NOM1: variants seen among roughly 807,000 people sequenced by gnomAD.
NOM1 encodes nucleolar protein with MIF4G domain 1, also known as nucleolar MIF4G domain-containing protein 1.
In NOM1, 58 loss-of-function variants were observed where a neutral mutation model predicts 73.3. The observed-to-expected ratio is 0.79, with a 90% CI of 0.64 to 0.99. NOM1 has a LOEUF of 0.99. Among genes scored for constraint, NOM1 ranks in the 50% least tolerant of loss-of-function variants. The pLI is 0.00. For synonymous variants in NOM1, 487 were observed against 446.8 expected, an observed-to-expected ratio of 1.09 and a Z score of -1.14; for missense variants, 1,226 against 1,131.9, an observed-to-expected ratio of 1.08 and a Z score of -1.19.
chr7:156,950,848 T>C, intron 1 of NOM1, 124 bp downstream of exon 1: 1 of 800,722 alleles, frequency 1.2e-6, no homozygotes, highest in Non-Finnish European at 2.0e-6. Context: ...TGAATGTGAG[T>C]AAATCGAGTA....
At chr7:156,958,322 C>G (rs143404196) in intron 3 of NOM1, among the ~76,000 whole-genome samples, 4 of 152,208 alleles carry the variant, frequency 2.6e-5, no homozygotes, top group African/African-American at 9.7e-5. Context: ...CTGGGAGTCA[C>G]AGATCCTTCA....
At position 156,959,875 on chromosome 7, in the gene NOM1, G is replaced by A; in HGVS notation, c.1333G>A (p.Val445Met). 1 of 1,614,236 alleles carries A rather than the reference G, an allele frequency of 6.2e-7. No homozygotes were observed. The part of the protein sequence containing the change: ...IEVGAHFLEA[V>M]VRKFDAIYKY... Reference sequence around the variant, plus strand: ...GGTCGGTGCCCACTTTCTGGAGGCAGTGGTGAGGAAGTTCGATGCCATCTA... The same window carrying A: ...GGTCGGTGCCCACTTTCTGGAGGCAATGGTGAGGAAGTTCGATGCCATCTA... The change falls in exon 4 of 11, where the codon GTG (valine) becomes ATG (methionine). Residue 445 changes from valine (V) to methionine (M), a missense_variant. Transcript: ENST00000275820.
chr7:156,963,739 G>A (rs1804926437), intron 6 of NOM1, 166 bp from the exon 7 acceptor site: 1 of 639,904 alleles, frequency 1.6e-6, no homozygotes, highest in Non-Finnish European at 2.5e-6. Flanking sequence ...GCTTCACTAT[G>A]TGTTCCCCTT....
Position 156,969,200 on chromosome 7 carries a change from T to C in NOM1, c.2408+4T>C, listed in dbSNP as rs775783487. 13 of 1,373,306 alleles carry C rather than the reference T, an allele frequency of 9.5e-6. No homozygotes were observed. Among genetic ancestry groups the C allele is most frequent in the Non-Finnish European group, 1.1e-5 (11 of 959,902 alleles). The allele number at this position is 1,373,306 out of a possible 1,614,324, so 85.1% of individuals were successfully genotyped here. The stretch of plus-strand genomic sequence containing the variant: ...ACCTCAGTTTAATTTTCACAAGGTA[T>C]GTGCCCCACCCTTTCCGACGAGACA... On this transcript the variant is annotated splice_donor_region_variant and intron_variant, in intron 10 of 10. Coordinates refer to ENST00000275820, the MANE Select transcript of NOM1 (RefSeq NM_138400.2).
rs147102278 is a variant in NOM1 at position 156,955,851 on chromosome 7, T to C, written c.1308+1553T>C. On this transcript the variant is annotated intron_variant, in intron 3 of 10. Transcript: ENST00000275820. ...CTCTCAATTATAATCTTAACAGTTATTTAGAGTCTTACCAAGTGGGGCTCT... is the reference window on the plus strand; with the variant it reads ...CTCTCAATTATAATCTTAACAGTTACTTAGAGTCTTACCAAGTGGGGCTCT... 3.9e-3 allele frequency among the ~76,000 whole-genome samples: 588 copies of C among 152,354 alleles called. 5 individuals carry two copies. The highest frequency in any genetic ancestry group is 0.013 in the African/African-American group (541 of 41,576).
intron 3 of NOM1, among the ~76,000 whole-genome samples, chr7:156,957,774 CAAAAAAAAAAAA>C (rs10549596): frequency 4.3e-5 from 5 of 115,542 alleles, no homozygotes; most frequent in Non-Finnish European, 7.0e-5. Context: ...GACTCCGTCT[CAAAAAAAAAAAA>C]AAAAAAAAAA....
Position 156,950,725 on chromosome 7 carries a change from G to A in NOM1, c.987+1G>A. 1 of 1,550,538 alleles carries A rather than the reference G, an allele frequency of 6.4e-7. No individual in the cohort carries two copies. Among genetic ancestry groups the A allele is most frequent in the Non-Finnish European group, 8.7e-7 (1 of 1,146,424 alleles). On this transcript the variant is annotated splice_donor_variant, in intron 1 of 10. Transcript: ENST00000275820. LOFTEE classifies it high-confidence loss of function. ...GGAGGACGGTGACATAACGGATAAGGTATCGTGTGAACACTCTCTAGGCCC... is the reference window on the plus strand; with the variant it reads ...GGAGGACGGTGACATAACGGATAAGATATCGTGTGAACACTCTCTAGGCCC...
Position 156,950,286 on chromosome 7 carries a change from C to T in NOM1, c.549C>T (p.Asp183=), listed in dbSNP as rs751522904. 54 of 1,613,952 alleles carry T rather than the reference C, an allele frequency of 3.3e-5. No individual in the cohort carries two copies. Among genetic ancestry groups the T allele is most frequent in the Non-Finnish European group, 4.5e-5 (53 of 1,179,940 alleles). ...TTTTAGCGGCGAACGAGGAGGAGGA[C>T]CGAGAGATCCGAAAGCTGGAGCGTT... is the stretch of plus-strand genomic sequence containing the variant. ...RALLAANEEE[D]REIRKLERCL... is the part of the protein sequence containing the mutation. Residue 183 remains aspartate (D), a synonymous_variant, in exon 1 of 11, where the codon GAC becomes GAT. Coordinates refer to ENST00000275820, the MANE Select transcript of NOM1 (RefSeq NM_138400.2).
chr7:156,950,613 G>C lies in NOM1; in HGVS notation c.876G>C (p.Gly292=). The C allele has an allele frequency of 6.4e-7, 1 of 1,566,730 alleles. No individual in the cohort carries two copies. Among genetic ancestry groups the C allele is most frequent in the Non-Finnish European group, 8.7e-7 (1 of 1,155,164 alleles). The change falls in exon 1 of 11, where the codon GGG becomes GGC. Residue 292 remains glycine, a synonymous_variant. Transcript: ENST00000275820. ...DDDEDTEEEQ[G]EEKEKGAQEK... is the part of the protein sequence containing the mutation. ...ACGAGGATACAGAAGAGGAACAGGGGGAAGAAAAGGAAAAGGGAGCGCAGG... is the reference window on the plus strand; with the variant it reads ...ACGAGGATACAGAAGAGGAACAGGGCGAAGAAAAGGAAAAGGGAGCGCAGG...
rs150505335 is a variant in NOM1 at position 156,956,142 on chromosome 7, G to A, written c.1308+1844G>A. Among the ~76,000 whole-genome samples, 1,306 of 151,370 alleles carry A rather than the reference G, an allele frequency of 8.6e-3. 12 individuals carry two copies. Among genetic ancestry groups the A allele is most frequent in the African/African-American group, 0.03 (1,230 of 41,156 alleles). ...CAGCAGGCGGAGTTTGCAGTGAGCC[G>A]AGATCGCGTCACTGCACTCCAGCCT... On this transcript the variant is annotated intron_variant, in intron 3 of 10. Coordinates refer to ENST00000275820, the MANE Select transcript of NOM1 (RefSeq NM_138400.2).
chr7:156,962,065 A>C (rs1286386336), intron 4 of NOM1, 86 bp from the exon 5 acceptor site: 6 of 1,028,238 alleles, frequency 5.8e-6, no homozygotes, highest in Non-Finnish European at 7.6e-6. Flanking sequence ...CATGTGCATC[A>C]GGTGTGGTAG....
At chr7:156,963,249 G>T (rs753129113) in intron 6 of NOM1, 74 bp downstream of exon 6, 10 of 1,518,760 alleles carry the variant, frequency 6.6e-6, no homozygotes, top group Non-Finnish European at 9.1e-6. Flanking sequence ...GCTTTACCTG[G>T]AGCAGCTCTC....
chr7:156,958,087 G>A (rs932939431), intron 3 of NOM1, among the ~76,000 whole-genome samples: 14 of 152,212 alleles, frequency 9.2e-5, no homozygotes, highest in African/African-American at 1.7e-4. Context: ...TTCTTCTAGC[G>A]TTGATTTCTT....
At chr7:156,964,126 C>T (rs2134792767) in intron 7 of NOM1, 100 bp downstream of exon 7, 1 of 1,267,082 alleles carries the variant, frequency 7.9e-7, no homozygotes, top group South Asian at 1.4e-5. Context: ...CTGATGCTGC[C>T]TAGGGAGGAC....
intron 5 of NOM1, 94 bp downstream of exon 5, chr7:156,962,355 C>T (rs1804887120): frequency 1.9e-6 from 2 of 1,029,396 alleles, no homozygotes; most frequent in South Asian, 1.3e-5. Flanking sequence ...ACCTGCACGT[C>T]AGGGTGGTGT....
rs1804992538 is a variant in NOM1, at chr7:156,966,256, GT to G, written c.2034-12del. The G allele has an allele frequency of 6.2e-7, 1 of 1,612,952 alleles. No homozygotes were observed. The highest frequency in any genetic ancestry group is 1.3e-5 in the African/African-American group (1 of 74,944). On this transcript the variant is annotated splice_polypyrimidine_tract_variant and intron_variant, in intron 7 of 10. Coordinates refer to ENST00000275820, the MANE Select transcript of NOM1 (RefSeq NM_138400.2). ...GTCGAGTGATGTTCCAGTCATTGCT[GT>G]TCTGTTTTCTAGGCTTGGACTTAAG...
At chr7:156,956,107 G>A (rs1172000074) in intron 3 of NOM1, among the ~76,000 whole-genome samples, 1 of 152,044 alleles carries the variant, frequency 6.6e-6, no homozygotes, top group African/African-American at 2.4e-5. Context: ...GCAGGAGAAT[G>A]GCGTGAACCC....
intron 4 of NOM1, 152 bp downstream of exon 4, chr7:156,960,326 G>T: frequency 1.6e-6 from 1 of 629,622 alleles, no homozygotes; most frequent in Admixed American, 3.1e-5. Flanking sequence ...TTTAATATGT[G>T]AATGGACCTT....
At chr7:156,968,146 A>G (rs557745762) in intron 9 of NOM1, among the ~76,000 whole-genome samples, 2 of 152,256 alleles carry the variant, frequency 1.3e-5, no homozygotes, top group East Asian at 3.9e-4. Context: ...GCCTTACGCC[A>G]AATCCTGACA....
Sources: gnomAD v4.1 joint callset for allele counts (sites outside exome capture counted in the v4.1 genomes callset) on GRCh38, gnomAD v4.1.1 for gene constraint, MANE v1.5 for transcripts, NCBI Gene and HGNC (gene_info 2026-07-23, HGNC 2026-07-21) for gene names.